The following NSD2 variants were observed in gnomAD, a reference collection of about 807,000 sequenced individuals.
NSD2 encodes nuclear receptor binding SET domain protein 2, also known as histone-lysine N-methyltransferase NSD2.
Under a neutral mutation model 139.0 loss-of-function variants are expected in NSD2, and 12 were observed. That is an observed-to-expected ratio of 0.09 (90% CI 0.06 to 0.14). The LOEUF is 0.14. NSD2 is among the 10% of genes least tolerant of loss of function. The pLI, the probability that NSD2 is intolerant of heterozygous loss-of-function variation, is 1.00. For synonymous variants in NSD2, 669 were observed against 648.7 expected (o/e 1.03, Z -0.48); for missense variants, 1,155 against 1,745.0 (o/e 0.66, Z 6.02).
At chr4:1,937,087 C>T (rs888654587) in intron 7 of NSD2, among the ~76,000 whole-genome samples, 23 of 151,306 alleles carry the variant, frequency 1.5e-4, no homozygotes, top group Non-Finnish European at 2.8e-4. Context: ...AGTCTCACTT[C>T]GTCACCCAGG....
intron 18 of NSD2, among the ~76,000 whole-genome samples, chr4:1,964,802 A>G (rs190104262): frequency 7.9e-5 from 12 of 152,206 alleles, no homozygotes; most frequent in Middle Eastern, 6.8e-3. Context: ...AAAAACAACT[A>G]TGGGGAAAAT....
chr4:1,924,357 T>C (rs1291366730), intron 5 of NSD2, among the ~76,000 whole-genome samples: 3 of 151,948 alleles, frequency 2.0e-5, no homozygotes, highest in Non-Finnish European at 4.4e-5. Flanking sequence ...GGTAAGGCGG[T>C]GTCGGGTGGG....
chr4:1,942,080 G>C lies in NSD2; in HGVS notation c.1881+2302G>C. The C allele has an allele frequency of 5.0e-6, 6 of 1,193,680 alleles. No homozygotes were observed. The South Asian group carries it at 1.5e-4, about 30-fold the overall frequency. 73.9% of individuals were successfully genotyped at this position (1,193,680 alleles called of 1,614,324 possible). A position where few individuals can be genotyped will look rare whatever the true frequency, so the allele number is the denominator to read the frequency against. On this transcript the variant is annotated intron_variant, in intron 9 of 21. Transcript: ENST00000508803. This position sits in a 1 kb window ranked among gnomAD's most constrained non-coding sequence, Gnocchi z 4.0. ...TTGTTTGAAATAAGGTACTTTTATA[G>C]GGTTGGTATTTCAGAACACTTTAGG...
chr4:1,871,714 GC>G (rs1451686437), intron 1 of NSD2, among the ~76,000 whole-genome samples, 172 bp downstream of exon 1: 2 of 149,650 alleles, frequency 1.3e-5, no homozygotes, highest in East Asian at 3.9e-4. Context: ...CGGCTCAGGG[GC>G]TGGGGGACCG....
chr4:1,914,983 G>A (rs574133276), intron 3 of NSD2, among the ~76,000 whole-genome samples: 1 of 151,978 alleles, frequency 6.6e-6, no homozygotes, highest in East Asian at 1.9e-4. Context: ...TATTATTTGG[G>A]TATCAAACCT....
At position 1,960,973 on chromosome 4, in the gene NSD2, G is replaced by T. The variant is rs1318498332; in HGVS notation, c.3256-62G>T. 6.5e-6 allele frequency: 9 copies of T among 1,378,200 alleles called. No individual in the cohort carries two copies. In the African/African-American group the frequency reaches 9.9e-5, roughly 15 times the overall value. 85.4% of individuals were successfully genotyped at this position (1,378,200 alleles called of 1,614,324 possible). A position where few individuals can be genotyped will look rare whatever the true frequency, so the allele number is the denominator to read the frequency against. ...AAGTGATCATGATGGGGAGTCTTGA[G>T]CCCCGACACTGAGGATTGGTCAGCA... On this transcript the variant is annotated intron_variant, in intron 17 of 21. Coordinates refer to ENST00000508803, the MANE Select transcript of NSD2 (RefSeq NM_001042424.3).
intron 1 of NSD2, among the ~76,000 whole-genome samples, chr4:1,879,363 C>T (rs928449916): frequency 1.3e-5 from 2 of 151,972 alleles, no homozygotes; most frequent in East Asian, 1.9e-4. Flanking sequence ...GGACTACAGG[C>T]GCCCGCCACC....
intron 10 of NSD2, among the ~76,000 whole-genome samples, chr4:1,951,591 C>T (rs1724277983): frequency 6.6e-6 from 1 of 151,914 alleles, no homozygotes; most frequent in Non-Finnish European, 1.5e-5. Context: ...GCACACTGGA[C>T]AGGCCAGGCT....
Position 1,976,799 on chromosome 4 carries a change from A to G in NSD2, c.3826+120A>G, listed in dbSNP as rs1727129995. On this transcript the variant is annotated intron_variant, in intron 21 of 21. Coordinates refer to ENST00000508803, the MANE Select transcript of NSD2 (RefSeq NM_001042424.3). This position sits in a 1 kb window ranked among gnomAD's most constrained non-coding sequence, Gnocchi z 5.3. ...CTGGGTGCAGGCACATCAGGCGCTC[A>G]TGCAGCGAAGGCCCTGATCCAGGGT... 4 of 1,080,498 alleles carry G rather than the reference A, an allele frequency of 3.7e-6. No homozygotes were observed. Among genetic ancestry groups the G allele is most frequent in the Non-Finnish European group, 5.2e-6 (4 of 770,048 alleles). The allele number at this position is 1,080,498 out of a possible 1,614,324, so 66.9% of individuals were successfully genotyped here. A position where few individuals can be genotyped will look rare whatever the true frequency, so the allele number is the denominator to read the frequency against.
At chr4:1,960,631 C>T (rs751733456) in intron 17 of NSD2, among the ~76,000 whole-genome samples, 2 of 152,218 alleles carry the variant, frequency 1.3e-5, no homozygotes, top group East Asian at 1.9e-4. Flanking sequence ...CCCCAGCACC[C>T]TTGTTCCTCG....
rs1178399476 is a variant in NSD2, at chr4:1,872,587, TGTGTGAGAGAGAGAGA to T, written c.-30+1047_-30+1062del. ...TTTTGTGTGTGTGTGTGTGTGTGTGTGTGTGAGAGAGAGAGAGAGAGAGAGAGAGAGAGAGAGAGAG... is the reference window on the plus strand; with the variant it reads ...TTTTGTGTGTGTGTGTGTGTGTGTGTGAGAGAGAGAGAGAGAGAGAGAGAG... On this transcript the variant is annotated intron_variant, in intron 1 of 21. Coordinates refer to ENST00000508803, the MANE Select transcript of NSD2 (RefSeq NM_001042424.3). 6.0e-3 allele frequency among the ~76,000 whole-genome samples: 299 copies of T among 50,140 alleles called. 3 individuals are homozygous for T. The highest frequency in any genetic ancestry group is 0.017 in the African/African-American group (291 of 16,942). The allele number at this position is 50,140 out of a possible 152,430, so 32.9% of individuals were successfully genotyped here.
chr4:1,945,511 C>T (rs898666932), intron 9 of NSD2: 2 of 1,063,994 alleles, frequency 1.9e-6, no homozygotes, highest in African/African-American at 1.6e-5. Flanking sequence ...AAAAAAAGTG[C>T]CTGTGGATGT....
At position 1,942,904 on chromosome 4, in the gene NSD2, G is replaced by T. The variant is rs1011865929; in HGVS notation, c.1881+3126G>T. 1 of 1,058,182 alleles carries T rather than the reference G, an allele frequency of 9.5e-7. No homozygotes were observed. Among genetic ancestry groups the T allele is most frequent in the Non-Finnish European group, 1.1e-6 (1 of 874,978 alleles). The allele number at this position is 1,058,182 out of a possible 1,614,324, so 65.5% of individuals were successfully genotyped here. A position where few individuals can be genotyped will look rare whatever the true frequency, so the allele number is the denominator to read the frequency against. ...ACTACACTAATTTCCAACATAAGAG[G>T]CAGGAAGAGTTTTGATTCTATCCTT... On this transcript the variant is annotated intron_variant, in intron 9 of 21. Coordinates refer to ENST00000508803, the MANE Select transcript of NSD2 (RefSeq NM_001042424.3). This position sits in a 1 kb window ranked among gnomAD's most constrained non-coding sequence, Gnocchi z 4.0.
chr4:1,980,021 GTC>G lies in NSD2; in HGVS notation c.*1114_*1115del. The stretch of plus-strand genomic sequence containing the variant: ...TGGCTTCCATCTCAGCACTCTGTGG[GTC>G]TGGTGATGGAAGATGCAGTCTCTGC... On this transcript the variant is annotated 3_prime_UTR_variant, in exon 22 of 22. Transcript: ENST00000508803. The G allele has an allele frequency of 4.3e-6, 1 of 233,022 alleles. No homozygotes were observed. Among genetic ancestry groups the G allele is most frequent in the Non-Finnish European group, 8.5e-6 (1 of 117,898 alleles). 14.4% of individuals were successfully genotyped at this position (233,022 alleles called of 1,614,324 possible).
intron 1 of NSD2, among the ~76,000 whole-genome samples, chr4:1,882,016 A>G (rs1225983558): frequency 6.6e-5 from 10 of 152,192 alleles, no homozygotes; most frequent in African/African-American, 4.8e-5. Flanking sequence ...GTTAAGAGCA[A>G]TGTGAGGTTT....
At chr4:1,882,386 T>C (rs1400114773) in intron 1 of NSD2, among the ~76,000 whole-genome samples, 1 of 152,126 alleles carries the variant, frequency 6.6e-6, no homozygotes, top group Admixed American at 6.6e-5. Context: ...AACTTTGGGC[T>C]GGGCTTAGTG....
intron 6 of NSD2, among the ~76,000 whole-genome samples, chr4:1,931,692 G>T (rs1023764226): frequency 1.3e-5 from 2 of 152,098 alleles, no homozygotes; most frequent in African/African-American, 4.8e-5. Context: ...TTTTCATCTT[G>T]ATTTAGGTGT....
intron 1 of NSD2, among the ~76,000 whole-genome samples, chr4:1,874,288 T>C (rs1714091603): frequency 6.6e-6 from 1 of 152,216 alleles, no homozygotes; most frequent in Non-Finnish European, 1.5e-5. Context: ...GTTCTCCAAA[T>C]ACGTGGTACC....
At chr4:1,887,476 A>G (rs1286778702) in intron 1 of NSD2, 2 of 152,056 alleles carry the variant, frequency 1.3e-5, no homozygotes, top group African/African-American at 2.4e-5. Flanking sequence ...ATTATTGACC[A>G]TCTTTATTTA....
Sources: gnomAD v4.1 joint callset for allele counts (sites outside exome capture counted in the v4.1 genomes callset) on GRCh38, gnomAD v4.1.1 for gene constraint, Gnocchi (gnomAD v3.1) non-coding constraint, MANE v1.5 for transcripts, NCBI Gene and HGNC (gene_info 2026-07-23, HGNC 2026-07-21) for gene names.